The following FHAD1 variants were observed in gnomAD, a reference collection of about 807,000 sequenced individuals.
The protein encoded by FHAD1 is forkhead-associated domain-containing protein 1.
FHAD1 carries 146 observed loss-of-function variants against 191.3 expected under a neutral mutation model. The observed-to-expected ratio is 0.76, with a 90% CI of 0.67 to 0.88. FHAD1 has a LOEUF of 0.88. Ranked by LOEUF, FHAD1 falls within the 40% of genes least tolerant of loss-of-function variation. The pLI, the probability that FHAD1 is intolerant of heterozygous loss-of-function variation, is 0.00. For synonymous variants in FHAD1, 616 were observed against 672.3 expected (o/e 0.92, Z 1.29); for missense variants, 1,635 against 1,785.8 (o/e 0.92, Z 1.52).
intron 26 of FHAD1, among the ~76,000 whole-genome samples, chr1:15,372,328 G>A (rs555091880): frequency 2.0e-5 from 3 of 152,312 alleles, no homozygotes; most frequent in Admixed American, 6.5e-5. Context: ...TGGCAGTGTG[G>A]CTAGCACAGG....
intron 20 of FHAD1, among the ~76,000 whole-genome samples, chr1:15,357,476 AG>A (rs1354297166): frequency 6.6e-6 from 1 of 152,110 alleles, no homozygotes; most frequent in African/African-American, 2.4e-5. Flanking sequence ...TACAAAAATT[AG>A]CTGGGTGTGG....
chr1:15,284,661 G>A (rs1320343999), intron 3 of FHAD1, among the ~76,000 whole-genome samples: 1 of 152,094 alleles, frequency 6.6e-6, no homozygotes, highest in African/African-American at 2.4e-5. Flanking sequence ...GCCTTGACAG[G>A]GTCAGAAGCA....
At chr1:15,387,959 T>A in intron 31 of FHAD1, 92 bp from the exon 32 acceptor site, 1 of 558,396 alleles carries the variant, frequency 1.8e-6, no homozygotes, top group Non-Finnish European at 3.1e-6. Flanking sequence ...TCCCAGCGTC[T>A]CCTAGAAACC....
At chr1:15,324,787 C>T (rs1383718177) in intron 11 of FHAD1, 2 of 533,792 alleles carry the variant, frequency 3.7e-6, no homozygotes, top group Non-Finnish European at 6.7e-6. Flanking sequence ...TTACGATGAC[C>T]CGAGACCCGG....
At chr1:15,389,680 C>G (rs1997728) in intron 32 of FHAD1, among the ~76,000 whole-genome samples, 5 of 152,036 alleles carry the variant, frequency 3.3e-5, no homozygotes, top group African/African-American at 7.3e-5. Flanking sequence ...TGGAGACTTA[C>G]GAGCACCTAT....
In FHAD1 at chr1:15,251,897, G is replaced by A; in HGVS notation, c.93+20G>A. 1 of 1,545,086 alleles carries A rather than the reference G, an allele frequency of 6.5e-7. No individual in the cohort carries two copies. The highest frequency in any genetic ancestry group is 8.8e-7 in the Non-Finnish European group (1 of 1,141,472). ...TTACAGGTAAGAAGTCTTCCCACCT[G>A]TTCCCGTCCCCTCCCTGACCCCTTC... On this transcript the variant is annotated intron_variant, in intron 2 of 33. Transcript: ENST00000688493.
intron 23 of FHAD1, among the ~76,000 whole-genome samples, chr1:15,364,898 C>T (rs1695921122): frequency 6.6e-6 from 1 of 152,220 alleles, no homozygotes; most frequent in Admixed American, 6.5e-5. Flanking sequence ...CTGGGCGCAG[C>T]CTCCCTCCCA....
intron 32 of FHAD1, among the ~76,000 whole-genome samples, chr1:15,390,545 G>T (rs1038178288): frequency 6.6e-6 from 1 of 151,926 alleles, no homozygotes; most frequent in African/African-American, 2.4e-5. Context: ...GCCCCTGTAG[G>T]CATGAGGTTG....
rs369512381 is a variant in FHAD1 at position 15,388,369 on chromosome 1, T to A, written c.4269+238T>A. 2.2e-4 allele frequency: 190 copies of A among 863,982 alleles called. 1 individual carries two copies. In the African/African-American group the frequency reaches 9.8e-3, roughly 45 times the overall value. 53.5% of individuals were successfully genotyped at this position (863,982 alleles called of 1,614,324 possible). ...AGGCCCTGCCCCACCTGCCTGCAGT[T>A]TGAACGGATGACCTAAGAGACAAGC... is the stretch of plus-strand genomic sequence containing the variant. On this transcript the variant is annotated intron_variant, in intron 32 of 33. Transcript: ENST00000688493.
At chr1:15,353,408 A>G (rs910964416) in intron 20 of FHAD1, among the ~76,000 whole-genome samples, 3 of 152,128 alleles carry the variant, frequency 2.0e-5, no homozygotes, top group Non-Finnish European at 4.4e-5. Context: ...TGCCTGGCTT[A>G]AGAGAGGAGA....
chr1:15,402,611 C>A (rs375704084), downstream of FHAD1, among the ~76,000 whole-genome samples: 3 of 152,276 alleles, frequency 2.0e-5, no homozygotes, highest in Admixed American at 6.5e-5. Flanking sequence ...AGAGTACTTC[C>A]TAGCCATGAG....
upstream of FHAD1, among the ~76,000 whole-genome samples, chr1:15,245,961 G>A (rs1261190872): frequency 6.6e-6 from 1 of 152,154 alleles, no homozygotes; most frequent in African/African-American, 2.4e-5. Flanking sequence ...TATTGACTAG[G>A]TGTATTAGTC....
downstream of FHAD1, among the ~76,000 whole-genome samples, chr1:15,399,408 A>T (rs1057071172): frequency 6.6e-6 from 1 of 152,014 alleles, no homozygotes; most frequent in South Asian, 2.1e-4. Flanking sequence ...CTCTACAAGA[A>T]ACTTAAAAAT....
At chr1:15,247,841 T>C (rs887485763) in intron 1 of FHAD1, among the ~76,000 whole-genome samples, 2 of 152,220 alleles carry the variant, frequency 1.3e-5, no homozygotes, top group African/African-American at 4.8e-5. Flanking sequence ...ATTTTGCTTC[T>C]CTATCTCACT....
chr1:15,262,904 A>G lies in FHAD1; in HGVS notation c.94-9419A>G, dbSNP rs113381127. On this transcript the variant is annotated intron_variant, in intron 2 of 33. Transcript: ENST00000688493. ...ACAATATTGTTTCCACAGTGGCTGCACTATTTTACATTCCCAGCCACAGTG... is the reference window on the plus strand; with the variant it reads ...ACAATATTGTTTCCACAGTGGCTGCGCTATTTTACATTCCCAGCCACAGTG... 9.3e-3 allele frequency among the ~76,000 whole-genome samples: 1,411 copies of G among 152,312 alleles called. 17 individuals carry two copies. The highest frequency in any genetic ancestry group is 0.032 in the African/African-American group (1,309 of 41,552).
At chr1:15,356,886 A>T (rs1692973829) in intron 20 of FHAD1, among the ~76,000 whole-genome samples, 1 of 151,306 alleles carries the variant, frequency 6.6e-6, no homozygotes, top group Non-Finnish European at 1.5e-5. Context: ...AAAAAAAAAA[A>T]ATTGAATGAT....
At chr1:15,394,123 T>C (rs1362426156) in intron 33 of FHAD1, among the ~76,000 whole-genome samples, 2 of 152,228 alleles carry the variant, frequency 1.3e-5, no homozygotes, top group Non-Finnish European at 2.9e-5. Context: ...TCAAGTGGAA[T>C]CTGTGCATTT....
rs1393697015 is a variant in FHAD1, at chr1:15,339,466, T to A, written c.1907-15T>A. The A allele has an allele frequency of 8.3e-7, 1 of 1,201,484 alleles. No homozygotes were observed. The highest frequency in any genetic ancestry group is 1.4e-5 in the South Asian group (1 of 73,960). 74.4% of individuals were successfully genotyped at this position (1,201,484 alleles called of 1,614,324 possible). ...GAATTGATACTTACATTCTTCCTGC[T>A]TCTCTTTTTTTAAGGGTTCTCTTTG... On this transcript the variant is annotated splice_polypyrimidine_tract_variant and intron_variant, in intron 14 of 33. Coordinates refer to ENST00000688493, the MANE Select transcript of FHAD1 (RefSeq NM_001391957.1).
At chr1:15,349,225 C>A in intron 19 of FHAD1, 76 bp downstream of exon 19, 2 of 1,157,008 alleles carry the variant, frequency 1.7e-6, no homozygotes, top group South Asian at 2.7e-5. Flanking sequence ...AGTGGGAAAT[C>A]GGGCAGATAT....
Sources: gnomAD v4.1 joint callset for allele counts (sites outside exome capture counted in the v4.1 genomes callset) on GRCh38, gnomAD v4.1.1 for gene constraint, MANE v1.5 for transcripts, NCBI Gene and HGNC (gene_info 2026-07-23, HGNC 2026-07-21) for gene names.